Variants in HMCN2 observed in about 807,000 individuals in gnomAD.
HMCN2 encodes hemicentin 2.
In HMCN2, 325 loss-of-function variants were observed where a neutral mutation model predicts 377.5. That is an observed-to-expected ratio of 0.86 (90% CI 0.79 to 0.94). The LOEUF (loss-of-function observed/expected upper bound fraction) is 0.94. HMCN2 is among the 40% of genes least tolerant of loss of function. The pLI is 0.00. For missense variants in HMCN2, 4,543 were observed against 4,725.3 expected (o/e 0.96, Z 1.13); for synonymous variants, 2,007 against 2,046.8 (o/e 0.98, Z 0.53).
At chr9:130,324,337 T>A (rs1193754795) in intron 19 of HMCN2, among the ~76,000 whole-genome samples, 1 of 152,234 alleles carries the variant, frequency 6.6e-6, no homozygotes, top group Non-Finnish European at 1.5e-5. Flanking sequence ...GTGTAGCATG[T>A]GTCAGAATTT....
intron 65 of HMCN2, among the ~76,000 whole-genome samples, 169 bp downstream of exon 65, chr9:130,391,743 G>A (rs1842332613): frequency 1.3e-5 from 2 of 152,160 alleles, no homozygotes; most frequent in South Asian, 4.1e-4. Context: ...AGGGTATAGC[G>A]GAGATTCGGG....
At chr9:130,343,440 C>T (rs1281002633) in intron 25 of HMCN2, among the ~76,000 whole-genome samples, 7 of 152,190 alleles carry the variant, frequency 4.6e-5, no homozygotes, top group Non-Finnish European at 5.9e-5. Flanking sequence ...AGGGATGGCA[C>T]CCACCTAGGC....
Position 130,394,400 on chromosome 9 carries a change from A to G in HMCN2, c.10517A>G (p.Glu3506Gly), listed in dbSNP as rs1490139798. ...QLTVMEPPHI[E>G]DSGQPTELSL... ...TGGCTTGCAGAGCCCCCTCACATTG[A>G]GGACTCAGGCCAGCCTACAGAGCTG... is the stretch of plus-strand genomic sequence containing the variant. Residue 3506 changes from glutamate (E) to glycine (G), a missense_variant, in exon 69 of 98, where the codon GAG becomes GGG. Glu to Gly is a moderately conservative substitution (Grantham distance 98). This residue lies in a region of HMCN2 where 1,073 missense variants were observed against 1,319.5 expected (regional missense o/e 0.81). Coordinates refer to ENST00000683500, the MANE Select transcript of HMCN2 (RefSeq NM_001291815.2). This position sits in a 1 kb window ranked among gnomAD's most constrained non-coding sequence, Gnocchi z 5.1. 1 of 1,289,490 alleles carries G rather than the reference A, an allele frequency of 7.8e-7. No homozygotes were observed. 79.9% of individuals were successfully genotyped at this position (1,289,490 alleles called of 1,614,324 possible).
chr9:130,322,368 GTCTA>G (rs1339040454), intron 19 of HMCN2, among the ~76,000 whole-genome samples: 27 of 151,082 alleles, frequency 1.8e-4, no homozygotes, highest in African/African-American at 4.4e-4. Context: ...CTATCCATCT[GTCTA>G]TCTATCTATC....
rs532913625 is a variant in HMCN2, at chr9:130,377,786, C to T, written c.8199C>T (p.Asn2733=). The change falls in exon 53 of 98, where the codon AAC becomes AAT. Residue 2733 remains asparagine, a synonymous_variant. Transcript: ENST00000683500. ...NVAGEDDQDF[N]VLIQVPPMFQ... ...CTGGCGAGGACGACCAGGACTTCAA[C>T]GTGCTCATCCAGGGTGCGTGGCGCC... 61 of 985,994 alleles carry T rather than the reference C, an allele frequency of 6.2e-5. No homozygotes were observed. Among genetic ancestry groups the T allele is most frequent in the South Asian group, 1.9e-4 (4 of 21,292 alleles). The allele number at this position is 985,994 out of a possible 1,614,324, so 61.1% of individuals were successfully genotyped here.
chr9:130,267,417 AACAAC>A (rs1276907165), intron 1 of HMCN2, among the ~76,000 whole-genome samples: 14 of 117,258 alleles, frequency 1.2e-4, no homozygotes, highest in East Asian at 8.7e-4. Context: ...CAAACAAACA[AACAAC>A]CCCCCCAAAT....
chr9:130,352,975 TGGAG>T lies in HMCN2; in HGVS notation c.4636_4639del (p.Glu1546ThrfsTer3). On this transcript the variant is annotated frameshift_variant, in exon 31 of 98. Coordinates refer to ENST00000683500, the MANE Select transcript of HMCN2 (RefSeq NM_001291815.2). LOFTEE classifies it high-confidence loss of function. ...AACGAGACAGGCGAGGTGGCCGTCA[TGGAG>T]GACCACCTAGTGCAGCTCCTGTGTG... 1 of 1,302,498 alleles carries T rather than the reference TGGAG, an allele frequency of 7.7e-7. No individual in the cohort carries two copies. The highest frequency in any genetic ancestry group is 1.0e-6 in the Non-Finnish European group (1 of 987,934). 80.7% of individuals were successfully genotyped at this position (1,302,498 alleles called of 1,614,324 possible).
chr9:130,388,095 G>A (rs1842112525), intron 61 of HMCN2, among the ~76,000 whole-genome samples: 1 of 152,098 alleles, frequency 6.6e-6, no homozygotes, highest in African/African-American at 2.4e-5. Context: ...GTCTGCCTGG[G>A]GTGTGTGACT....
intron 59 of HMCN2, 50 bp downstream of exon 59, chr9:130,384,848 C>T (rs1395824298): frequency 1.7e-6 from 2 of 1,166,008 alleles, no homozygotes; most frequent in Non-Finnish European, 1.2e-6. Flanking sequence ...CCTTCAGTCA[C>T]CCCTCAGCCC....
chr9:130,401,089 C>A, intron 77 of HMCN2, 142 bp downstream of exon 77: 1 of 640,522 alleles, frequency 1.6e-6, no homozygotes, highest in Non-Finnish European at 2.2e-6. Flanking sequence ...CTGGGAGGAC[C>A]CTCTCGCCCT....
intron 25 of HMCN2, among the ~76,000 whole-genome samples, chr9:130,342,913 G>A (rs1179849374): frequency 2.0e-5 from 3 of 152,150 alleles, no homozygotes; most frequent in East Asian, 3.9e-4. Flanking sequence ...GTGTGGGGCC[G>A]ATAGCCACCA....
At chr9:130,350,956 G>T (rs931053853) in intron 29 of HMCN2, among the ~76,000 whole-genome samples, 2 of 152,010 alleles carry the variant, frequency 1.3e-5, no homozygotes, top group Non-Finnish European at 2.9e-5. Context: ...TGCAGCATGG[G>T]GCAACTTTCA....
chr9:130,288,986 C>T (rs1473737474), intron 4 of HMCN2, among the ~76,000 whole-genome samples: 2 of 152,214 alleles, frequency 1.3e-5, no homozygotes, highest in African/African-American at 4.8e-5. Context: ...AGTCCAAGCA[C>T]CTGCTGTGCC....
chr9:130,397,548 G>T lies in HMCN2; in HGVS notation c.11219G>T (p.Gly3740Val), dbSNP rs1312795187. The stretch of plus-strand genomic sequence containing the variant: ...TCTAGGTTTGAAATTCTGCCTGAGG[G>T]TTCCCTGAGAATCCAGCCAGTCCTT... ...RSPRFEILPE[G>V]SLRIQPVLAQ... Residue 3740 changes from glycine to valine, a missense_variant, in exon 74 of 98, where the codon GGT becomes GTT. This residue lies in a region of HMCN2 where 1,073 missense variants were observed against 1,319.5 expected (regional missense o/e 0.81). Coordinates refer to ENST00000683500, the MANE Select transcript of HMCN2 (RefSeq NM_001291815.2). 1.6e-6 allele frequency: 2 copies of T among 1,289,722 alleles called. No individual in the cohort carries two copies. Among genetic ancestry groups the T allele is most frequent in the Non-Finnish European group, 2.0e-6 (2 of 988,892 alleles). The allele number at this position is 1,289,722 out of a possible 1,614,324, so 79.9% of individuals were successfully genotyped here.
At chr9:130,380,122 G>A (rs776417571) in intron 54 of HMCN2, among the ~76,000 whole-genome samples, 10 of 152,266 alleles carry the variant, frequency 6.6e-5, no homozygotes, top group Middle Eastern at 3.4e-3. Context: ...GTGATCCACC[G>A]TCTCGGATCG....
chr9:130,426,277 C>A (rs913675332), intron 90 of HMCN2, among the ~76,000 whole-genome samples: 1 of 152,214 alleles, frequency 6.6e-6, no homozygotes, highest in Admixed American at 6.5e-5. Context: ...ACCCAAGGAG[C>A]CAGGAACCAC....
intron 36 of HMCN2, 98 bp downstream of exon 36, chr9:130,358,584 G>C: frequency 1.8e-6 from 2 of 1,127,880 alleles, no homozygotes; most frequent in Non-Finnish European, 2.4e-6. Flanking sequence ...GGGGGAGGAG[G>C]TTTTTCAGTC....
At chr9:130,281,759 T>C (rs2131266214) in intron 1 of HMCN2, among the ~76,000 whole-genome samples, 1 of 151,944 alleles carries the variant, frequency 6.6e-6, no homozygotes, top group South Asian at 2.1e-4. Flanking sequence ...CCGGGTGTGG[T>C]GGCATGCACC....
intron 8 of HMCN2, among the ~76,000 whole-genome samples, chr9:130,299,521 A>G (rs1339279358): frequency 3.4e-5 from 5 of 147,024 alleles, no homozygotes; most frequent in African/African-American, 7.8e-5. Flanking sequence ...CCATTCATCC[A>G]TCTACCCATT....
Sources: gnomAD v4.1 joint callset for allele counts (sites outside exome capture counted in the v4.1 genomes callset) on GRCh38, gnomAD v4.1.1 for gene constraint, gnomAD v4.1.1 regional missense constraint, Gnocchi (gnomAD v3.1) non-coding constraint, MANE v1.5 for transcripts, NCBI Gene and HGNC (gene_info 2026-07-23, HGNC 2026-07-21) for gene names.